Variants in CSMD1 observed in about 807,000 individuals in gnomAD.
The protein encoded by CSMD1 is CUB and Sushi multiple domains 1.
A neutral mutation model predicts 417.5 loss-of-function variants in CSMD1; 213 were observed. That is an observed-to-expected ratio of 0.51 (90% CI 0.46 to 0.57). CSMD1 has a LOEUF of 0.57. Ranked by LOEUF, CSMD1 falls within the 20% of genes least tolerant of loss-of-function variation. The pLI is 0.00. For synonymous variants in CSMD1, 2,862 were observed against 1,736.8 expected (o/e 1.65, Z -16.11); for missense variants, 6,923 against 4,529.7 (o/e 1.53, Z -15.17).
chr8:4,014,231 A>C (rs1796411776), intron 4 of CSMD1, among the ~76,000 whole-genome samples: 1 of 152,224 alleles, frequency 6.6e-6, no homozygotes, highest in African/African-American at 2.4e-5. Context: ...CCTTAGGAAA[A>C]AAATCTAACA....
At chr8:4,449,895 C>T (rs576445230) in intron 2 of CSMD1, among the ~76,000 whole-genome samples, 5 of 152,294 alleles carry the variant, frequency 3.3e-5, no homozygotes, top group South Asian at 4.2e-4. Context: ...ACCTCCATAA[C>T]ATATGTATAA....
intron 1 of CSMD1, among the ~76,000 whole-genome samples, chr8:4,941,419 A>G (rs1807992418): frequency 6.6e-6 from 1 of 152,178 alleles, no homozygotes; most frequent in African/African-American, 2.4e-5. Context: ...TTCTGTACCA[A>G]CAGTGTTTAT....
intron 1 of CSMD1, among the ~76,000 whole-genome samples, chr8:4,879,994 G>C (rs1365991087): frequency 6.6e-6 from 1 of 152,024 alleles, no homozygotes; most frequent in African/African-American, 2.4e-5. Context: ...TATTATATCT[G>C]AATCATCCAT....
intron 11 of CSMD1, among the ~76,000 whole-genome samples, chr8:3,469,431 C>T (rs372358613): frequency 6.6e-6 from 1 of 152,228 alleles, no homozygotes; most frequent in Non-Finnish European, 1.5e-5. Flanking sequence ...TGAACACTCC[C>T]CCCGCATATT....
chr8:4,834,186 T>C (rs751229691), intron 1 of CSMD1, among the ~76,000 whole-genome samples: 1 of 152,178 alleles, frequency 6.6e-6, no homozygotes, highest in Non-Finnish European at 1.5e-5. Context: ...CAGGTTTAAA[T>C]CTGTAATTTT....
chr8:4,774,704 T>A (rs1796759871), intron 1 of CSMD1, among the ~76,000 whole-genome samples: 1 of 152,186 alleles, frequency 6.6e-6, no homozygotes, highest in Non-Finnish European at 1.5e-5. Context: ...GGTGGATCCT[T>A]CATGAATGGT....
chr8:3,749,640 C>G (rs1351397686), intron 6 of CSMD1, among the ~76,000 whole-genome samples: 1 of 152,144 alleles, frequency 6.6e-6, no homozygotes, highest in Non-Finnish European at 1.5e-5. Flanking sequence ...CAATTCTGTC[C>G]AAGCATCATA....
intron 3 of CSMD1, among the ~76,000 whole-genome samples, chr8:4,276,623 A>G (rs1015954688): frequency 2.6e-4 from 40 of 152,340 alleles, no homozygotes; most frequent in African/African-American, 8.9e-4. Context: ...AGTGATACAC[A>G]TAATTTTAAG....
At chr8:4,045,639 G>C (rs1308931235) in intron 3 of CSMD1, among the ~76,000 whole-genome samples, 1 of 152,202 alleles carries the variant, frequency 6.6e-6, no homozygotes, top group Non-Finnish European at 1.5e-5. Flanking sequence ...GGGGAAATTA[G>C]CTTGACAAGA....
At chr8:3,962,394 C>A (rs536147714) in intron 5 of CSMD1, among the ~76,000 whole-genome samples, 8 of 152,290 alleles carry the variant, frequency 5.3e-5, no homozygotes, top group African/African-American at 1.9e-4. Flanking sequence ...GTTGTCACCA[C>A]GCAGTCCTGA....
intron 8 of CSMD1, among the ~76,000 whole-genome samples, chr8:3,611,206 C>T (rs1389001608): frequency 6.6e-6 from 1 of 150,806 alleles, no homozygotes; most frequent in South Asian, 2.1e-4. Context: ...ACATTGTGCA[C>T]ATGTACCCTA....
chr8:3,241,562 C>T (rs1585763064), intron 26 of CSMD1, among the ~76,000 whole-genome samples: 1 of 152,088 alleles, frequency 6.6e-6, no homozygotes, highest in South Asian at 2.1e-4. Flanking sequence ...GGAGTGGCTG[C>T]CAGGTGAGTT....
At chr8:3,877,326 C>T (rs999821176) in intron 5 of CSMD1, among the ~76,000 whole-genome samples, 4 of 152,132 alleles carry the variant, frequency 2.6e-5, no homozygotes, top group African/African-American at 9.7e-5. Context: ...AGGTGTCCAG[C>T]TGTGTCCATG....
intron 2 of CSMD1, among the ~76,000 whole-genome samples, chr8:4,578,401 G>C (rs111779526): frequency 0.017 from 2,321 of 133,446 alleles, 65 homozygotes; most frequent in African/African-American, 0.063. Context: ...GGATGTTCTC[G>C]ATCTCCTGAT....
chr8:3,017,806 TAAAAAAAAA>T (rs777717027), intron 52 of CSMD1, among the ~76,000 whole-genome samples: 9 of 76,480 alleles, frequency 1.2e-4, no homozygotes, highest in East Asian at 7.7e-4. Flanking sequence ...TTGAGTGATT[TAAAAAAAAA>T]AAAAAAAAAA....
chr8:3,585,196 G>A lies in CSMD1; in HGVS notation c.1222+940C>T, dbSNP rs543756099. The stretch of plus-strand genomic sequence containing the variant: ...AAAGAGTATTCTTAGCTTAGAGGAC[G>A]ATAGTGACGTGTTTGGTAACTAGTT... On this transcript the variant is annotated intron_variant, in intron 9 of 69. Transcript: ENST00000635120. Among the ~76,000 whole-genome samples the A allele has an allele frequency of 5.3e-5, 8 of 152,310 alleles. No individual in the cohort carries two copies. The South Asian group carries it at 1.2e-3, about 24-fold the overall frequency.
At chr8:3,802,117 A>C (rs1333737231) in intron 5 of CSMD1, among the ~76,000 whole-genome samples, 5 of 152,194 alleles carry the variant, frequency 3.3e-5, no homozygotes, top group African/African-American at 1.2e-4. Flanking sequence ...TGTTTTAAAA[A>C]GGTAAAATAA....
intron 5 of CSMD1, among the ~76,000 whole-genome samples, chr8:3,758,242 G>C (rs898010073): frequency 2.0e-5 from 3 of 152,202 alleles, no homozygotes; most frequent in Non-Finnish European, 4.4e-5. Context: ...AGGGTTACAG[G>C]CGTGAGCCAT....
intron 25 of CSMD1, among the ~76,000 whole-genome samples, chr8:3,306,981 T>TACAC (rs1262413778): frequency 6.6e-6 from 1 of 152,160 alleles, no homozygotes; most frequent in African/African-American, 2.4e-5. Context: ...TTTTCTTTTA[T>TACAC]ATGTGTTACT....
Sources: gnomAD v4.1 joint callset for allele counts (sites outside exome capture counted in the v4.1 genomes callset) on GRCh38, gnomAD v4.1.1 for gene constraint, MANE v1.5 for transcripts, NCBI Gene and HGNC (gene_info 2026-07-23, HGNC 2026-07-21) for gene names.